RNF13: variants seen among roughly 807,000 people sequenced by gnomAD.
RNF13 encodes ring finger protein 13, also known as E3 ubiquitin-protein ligase RNF13.
RNF13 carries 19 observed loss-of-function variants against 37.7 expected under a neutral mutation model. The observed-to-expected ratio is 0.50, with a 90% CI of 0.35 to 0.74. The LOEUF is 0.74. Ranked by LOEUF, RNF13 falls within the 30% of genes least tolerant of loss-of-function variation. RNF13 has a pLI of 0.01. For missense variants in RNF13, 375 were observed against 453.0 expected, an observed-to-expected ratio of 0.83 and a Z score of 1.56; for synonymous variants, 144 against 157.8, an observed-to-expected ratio of 0.91 and a Z score of 0.65.
chr3:149,839,695 A>G (rs1274893729), intron 1 of RNF13, among the ~76,000 whole-genome samples: 1 of 152,232 alleles, frequency 6.6e-6, no homozygotes. Context: ...TGGGAATTCA[A>G]GATGTGGTTT....
intron 3 of RNF13, among the ~76,000 whole-genome samples, chr3:149,860,541 G>A (rs962136374): frequency 4.0e-5 from 6 of 151,856 alleles, no homozygotes; most frequent in Non-Finnish European, 8.8e-5. Context: ...CTTCAATAAA[G>A]AATGCTGGGA....
Position 149,931,600 on chromosome 3 carries a change from A to G in RNF13, c.700+10373A>G, listed in dbSNP as rs560403872. ...ATAGTTGTACATATTTATGGGGTAC[A>G]TGTTATATTTTGATACATGCATACA... On this transcript the variant is annotated intron_variant, in intron 8 of 9. Transcript: ENST00000392894. Among the ~76,000 whole-genome samples the G allele has an allele frequency of 2.0e-5, 3 of 152,190 alleles. No homozygotes were observed. The South Asian group carries it at 6.2e-4, about 32-fold the overall frequency.
intron 5 of RNF13, among the ~76,000 whole-genome samples, chr3:149,899,902 G>A (rs1715647206): frequency 6.6e-6 from 1 of 152,212 alleles, no homozygotes. Context: ...CAATCAAATG[G>A]AGATATTGAA....
chr3:149,894,585 T>C (rs184271920), intron 4 of RNF13, among the ~76,000 whole-genome samples: 74 of 152,292 alleles, frequency 4.9e-4, no homozygotes, highest in African/African-American at 1.8e-3. Flanking sequence ...CTCTGAGACA[T>C]ACCATTGTGG....
At chr3:149,905,485 T>C (rs1284018753) in intron 6 of RNF13, among the ~76,000 whole-genome samples, 4 of 152,008 alleles carry the variant, frequency 2.6e-5, no homozygotes, top group Non-Finnish European at 5.9e-5. Context: ...GTTATGTTGG[T>C]CCTTTATTTT....
chr3:149,867,035 T>G (rs1339535197), intron 3 of RNF13, among the ~76,000 whole-genome samples: 1 of 152,140 alleles, frequency 6.6e-6, no homozygotes, highest in African/African-American at 2.4e-5. Flanking sequence ...GTCAGGACTT[T>G]TCGGTTATTG....
At chr3:149,853,961 C>G (rs1287450030) in intron 3 of RNF13, among the ~76,000 whole-genome samples, 3 of 151,618 alleles carry the variant, frequency 2.0e-5, no homozygotes, top group Admixed American at 2.0e-4. Context: ...CTCAACCTCC[C>G]GAGTGGCTGA....
At chr3:149,878,396 T>TA (rs1289948424) in intron 4 of RNF13, among the ~76,000 whole-genome samples, 2 of 152,214 alleles carry the variant, frequency 1.3e-5, no homozygotes, top group Non-Finnish European at 1.5e-5. Flanking sequence ...AAGAGCCTGA[T>TA]ACTCTCTTCT....
At chr3:149,835,804 G>A (rs1228356465) in intron 1 of RNF13, among the ~76,000 whole-genome samples, 2 of 151,774 alleles carry the variant, frequency 1.3e-5, no homozygotes, top group Non-Finnish European at 2.9e-5. Context: ...TTTTTTTTAT[G>A]ACTTTTCTCC....
chr3:149,938,155 GTA>G (rs1165909531), intron 8 of RNF13, among the ~76,000 whole-genome samples: 1 of 151,090 alleles, frequency 6.6e-6, no homozygotes, highest in Non-Finnish European at 1.5e-5. Context: ...ATATAGTTAT[GTA>G]TATATATAAT....
At chr3:149,896,637 G>C (rs962650421) in intron 5 of RNF13, among the ~76,000 whole-genome samples, 1 of 151,714 alleles carries the variant, frequency 6.6e-6, no homozygotes, top group Non-Finnish European at 1.5e-5. Context: ...CTGCCACCAC[G>C]CCTGGCTAAT....
At chr3:149,876,883 A>G (rs907817767) in intron 4 of RNF13, among the ~76,000 whole-genome samples, 7 of 150,392 alleles carry the variant, frequency 4.7e-5, no homozygotes, top group African/African-American at 1.7e-4. Flanking sequence ...GGTTCAAGCA[A>G]TTCTCTTGCC....
At chr3:149,905,664 G>A (rs933683032) in intron 6 of RNF13, among the ~76,000 whole-genome samples, 5 of 151,464 alleles carry the variant, frequency 3.3e-5, no homozygotes, top group African/African-American at 1.2e-4. Context: ...ATTTATACTT[G>A]TATGGTTTTG....
chr3:149,904,353 A>G (rs1716173885), intron 6 of RNF13, among the ~76,000 whole-genome samples: 1 of 151,918 alleles, frequency 6.6e-6, no homozygotes, highest in South Asian at 2.1e-4. Context: ...ATATGTCATA[A>G]TAGATAAGAT....
At chr3:149,874,329 C>T (rs569274998) in intron 4 of RNF13, among the ~76,000 whole-genome samples, 1 of 152,254 alleles carries the variant, frequency 6.6e-6, no homozygotes, top group South Asian at 2.1e-4. Flanking sequence ...TGGAAACAGA[C>T]TGTATACATT....
At chr3:149,905,000 C>T (rs1476825011) in intron 6 of RNF13, among the ~76,000 whole-genome samples, 2 of 152,142 alleles carry the variant, frequency 1.3e-5, no homozygotes, top group African/African-American at 2.4e-5. Context: ...AGCCAGTCCC[C>T]TGTTGATCAG....
At chr3:149,903,524 T>A (rs994250995) in intron 6 of RNF13, among the ~76,000 whole-genome samples, 2 of 152,114 alleles carry the variant, frequency 1.3e-5, no homozygotes, top group African/African-American at 4.8e-5. Flanking sequence ...CATATTTGCT[T>A]ATTCACCTTA....
At chr3:149,905,274 T>A (rs1451961737) in intron 6 of RNF13, among the ~76,000 whole-genome samples, 1 of 152,218 alleles carries the variant, frequency 6.6e-6, no homozygotes. Context: ...TTATTTTTAC[T>A]AATCAGATAG....
chr3:149,919,943 G>A (rs1717952351), intron 7 of RNF13, among the ~76,000 whole-genome samples: 2 of 152,094 alleles, frequency 1.3e-5, no homozygotes, highest in Admixed American at 1.3e-4. Context: ...CACCCTAATA[G>A]GTATATTGTA....
Sources: allele counts gnomAD v4.1 joint callset (sites outside exome capture counted in the v4.1 genomes callset), GRCh38; gene constraint gnomAD v4.1.1; transcripts MANE v1.5; gene names NCBI Gene and HGNC (gene_info 2026-07-23, HGNC 2026-07-21).